The following DNAH17 variants were observed in gnomAD, a reference collection of about 807,000 sequenced individuals.
DNAH17 encodes dynein axonemal heavy chain 17.
Under a neutral mutation model 485.6 loss-of-function variants are expected in DNAH17, and 376 were observed. The observed-to-expected ratio is 0.77, with a 90% confidence interval of 0.71 to 0.84. The LOEUF is 0.84. Ranked by LOEUF, DNAH17 falls within the 40% of genes least tolerant of loss-of-function variation. DNAH17 has a pLI of 0.00. For missense variants in DNAH17, 6,370 were observed against 5,839.3 expected (o/e 1.09, Z -2.96); for synonymous variants, 3,031 against 2,405.9 (o/e 1.26, Z -7.60).
In DNAH17 at chr17:78,486,360, A is replaced by G; in HGVS notation, c.6965T>C (p.Ile2322Thr). The change falls in exon 45 of 81, where the codon ATC (isoleucine) becomes ACC (threonine). Residue 2322 changes from isoleucine to threonine, a missense_variant. Coordinates refer to ENST00000389840, the MANE Select transcript of DNAH17 (RefSeq NM_173628.4). ...CTCCAGCAGGTACAGAATCGTTTGG[A>G]TCACCGTGATCTCCGGCACTGGCGT... Reference protein sequence around the residue: ...KITPVPEITVIQTILYLLECL... With the variant: ...KITPVPEITVTQTILYLLECL... The G allele has an allele frequency of 2.5e-6, 4 of 1,613,822 alleles. No individual in the cohort carries two copies. The highest frequency in any genetic ancestry group is 3.4e-6 in the Non-Finnish European group (4 of 1,179,832).
intron 68 of DNAH17, chr17:78,449,791 C>G (rs2087468538): frequency 1.8e-6 from 1 of 549,306 alleles, no homozygotes; most frequent in African/African-American, 1.9e-5. Context: ...AGTGTTCAAG[C>G]GATTCTCCTG....
At chr17:78,425,085 G>T in intron 80 of DNAH17, 2 of 395,074 alleles carry the variant, frequency 5.1e-6, no homozygotes, top group Non-Finnish European at 9.2e-6. Flanking sequence ...CACAAGCTCT[G>T]CTGTTTTCAT....
chr17:78,510,310 C>A (rs1038935097), intron 27 of DNAH17, 74 bp downstream of exon 27: 2 of 1,583,926 alleles, frequency 1.3e-6, no homozygotes, highest in Admixed American at 1.7e-5. Context: ...CCCCTCTGGG[C>A]GCTCTCAGTG....
chr17:78,531,201 G>A (rs1222060054), intron 20 of DNAH17, among the ~76,000 whole-genome samples: 2 of 152,092 alleles, frequency 1.3e-5, no homozygotes, highest in Non-Finnish European at 2.9e-5. Flanking sequence ...ACCACTGTTT[G>A]CTTTATATAT....
chr17:78,514,279 G>C (rs1407632726), intron 26 of DNAH17, among the ~76,000 whole-genome samples: 1 of 152,096 alleles, frequency 6.6e-6, no homozygotes, highest in Non-Finnish European at 1.5e-5. Context: ...GGCTGAGGCA[G>C]GCGGATCATG....
rs780063571 is a variant in DNAH17 at position 78,491,499 on chromosome 17, C to T, written c.6613G>A (p.Gly2205Arg). The T allele has an allele frequency of 1.7e-5, 28 of 1,613,542 alleles. No individual in the cohort carries two copies. Among genetic ancestry groups the T allele is most frequent in the Non-Finnish European group, 2.2e-5 (26 of 1,179,870 alleles). Residue 2205 changes from glycine to arginine, a missense_variant, in exon 43 of 81, where the codon GGA (glycine) becomes AGA (arginine). Coordinates refer to ENST00000389840, the MANE Select transcript of DNAH17 (RefSeq NM_173628.4). ...HDGPKWIILD[G>R]DIDPMWIESL... Reference sequence around the variant, plus strand: ...TCGATCCACATGGGGTCTATGTCTCCGTCAAGGATGATCCACTTGGGGCCG... The same window carrying T: ...TCGATCCACATGGGGTCTATGTCTCTGTCAAGGATGATCCACTTGGGGCCG...
Position 78,429,204 on chromosome 17 carries a change from C to T in DNAH17, c.12322G>A (p.Ala4108Thr), listed in dbSNP as rs1169473800. The T allele has an allele frequency of 6.2e-7, 1 of 1,613,848 alleles. No individual in the cohort carries two copies. The highest frequency in any genetic ancestry group is 1.3e-5 in the African/African-American group (1 of 75,044). Residue 4108 changes from alanine to threonine, a missense_variant, in exon 76 of 81, where the codon GCT (alanine) becomes ACT (threonine). By Grantham distance (58) the Ala-to-Thr change is moderately conservative. Transcript: ENST00000389840. Reference protein sequence around the residue: ...WDRRLCRTYLAEYIRTEMLEG... With the variant: ...WDRRLCRTYLTEYIRTEMLEG... ...AGCATCTCCGTCCGGATGTATTCAG[C>T]CAGGTAGGTCCTGCACAGCCGACGG...
chr17:78,472,264 T>G (rs924097911), intron 54 of DNAH17, among the ~76,000 whole-genome samples: 4 of 146,246 alleles, frequency 2.7e-5, no homozygotes, highest in Non-Finnish European at 4.5e-5. Context: ...GGGTTAGGGT[T>G]AGGGAGTAGG....
In DNAH17 at chr17:78,468,643, T is replaced by C. The variant is rs1394255943; in HGVS notation, c.8752A>G (p.Ile2918Val). Residue 2918 changes from isoleucine (I) to valine (V), a missense_variant, in exon 55 of 81, where the codon ATC becomes GTC. By Grantham distance (29) the Ile-to-Val change is conservative. Transcript: ENST00000389840. Reference sequence around the variant, plus strand: ...TTGAGCTGTCTGCGCACTTTTTCGATGAAGAACTTCCAACATGTTTCCCGA... The same window carrying C: ...TTGAGCTGTCTGCGCACTTTTTCGACGAAGAACTTCCAACATGTTTCCCGA... ...DTRETCWKFFIEKVRRQLKVI... is the reference protein window; with the variant it reads ...DTRETCWKFFVEKVRRQLKVI... 6.2e-7 allele frequency: 1 copy of C among 1,613,826 alleles called. No homozygotes were observed. Among genetic ancestry groups the C allele is most frequent in the South Asian group, 1.1e-5 (1 of 91,036 alleles).
chr17:78,526,040 C>A (rs1433645289), intron 24 of DNAH17, among the ~76,000 whole-genome samples: 1 of 152,230 alleles, frequency 6.6e-6, no homozygotes, highest in Non-Finnish European at 1.5e-5. Flanking sequence ...GACAAGGGCC[C>A]CACTGGGCCC....
intron 69 of DNAH17, among the ~76,000 whole-genome samples, chr17:78,446,098 T>C (rs1387251594): frequency 7.8e-6 from 1 of 128,026 alleles, no homozygotes; most frequent in Admixed American, 1.1e-4. Flanking sequence ...CACTTGAACC[T>C]GGGAGGCAGA....
At chr17:78,450,132 G>T in intron 68 of DNAH17, 122 bp downstream of exon 68, 1 of 1,207,460 alleles carries the variant, frequency 8.3e-7, no homozygotes, top group Non-Finnish European at 1.2e-6. Flanking sequence ...GGCTGGACCA[G>T]GTCTGCCCTC....
Position 78,526,755 on chromosome 17 carries a change from A to G in DNAH17, c.3625-18T>C, listed in dbSNP as rs74965213. The G allele has an allele frequency of 0.16, 250,675 of 1,596,256 alleles. 21,111 individuals carry two copies. Among genetic ancestry groups the G allele is most frequent in the Middle Eastern group, 0.2 (1,189 of 5,804 alleles). ...TGCTTGAGCTGCGAGAGAAGAGTGC[A>G]AAGTACAGAGAGTCACGGGGCGGCC... is the stretch of plus-strand genomic sequence containing the variant. On this transcript the variant is annotated intron_variant, in intron 23 of 80. Transcript: ENST00000389840.
chr17:78,445,222 G>A (rs2087232258), intron 70 of DNAH17, among the ~76,000 whole-genome samples: 1 of 150,548 alleles, frequency 6.6e-6, no homozygotes, highest in African/African-American at 2.4e-5. Context: ...AGGCTGGGGG[G>A]AGGAGGGGAG....
In DNAH17 at chr17:78,445,673, G is replaced by T. The variant is rs1220307613; in HGVS notation, c.11219C>A (p.Ser3740Tyr). 8.2e-6 allele frequency: 13 copies of T among 1,588,488 alleles called. No homozygotes were observed. Among genetic ancestry groups the T allele is most frequent in the Admixed American group, 5.4e-5 (3 of 56,004 alleles). ...FLAQVTFQVL[S>Y]MKKELNPVEL... ...CACTGGGTTCAGCTCCTTCTTCATG[G>T]ACAGGACCTGGGGGAACATCGAGGT... is the stretch of plus-strand genomic sequence containing the variant. Residue 3740 changes from serine to tyrosine, a missense_variant, in exon 70 of 81, where the codon TCC becomes TAC. Physicochemically the swap from Ser to Tyr is moderately radical, Grantham distance 144. Transcript: ENST00000389840.
intron 27 of DNAH17, among the ~76,000 whole-genome samples, chr17:78,508,911 C>T (rs1278011274): frequency 6.6e-6 from 1 of 151,890 alleles, no homozygotes; most frequent in East Asian, 1.9e-4. Context: ...AATTCATCCT[C>T]CCACTTCAGC....
chr17:78,537,630 C>T (rs2091413807), intron 18 of DNAH17, 149 bp from the exon 19 acceptor site: 2 of 987,812 alleles, frequency 2.0e-6, no homozygotes, highest in Admixed American at 2.3e-5. Flanking sequence ...TCAGCGCACC[C>T]CGCTCCTTGA....
intron 29 of DNAH17, 60 bp downstream of exon 29, chr17:78,507,218 C>A (rs2090509184): frequency 1.3e-6 from 2 of 1,591,630 alleles, no homozygotes; most frequent in Non-Finnish European, 1.7e-6. Flanking sequence ...TTCCGTCAGA[C>A]TTAAGACTTA....
intron 16 of DNAH17, among the ~76,000 whole-genome samples, chr17:78,545,229 C>T (rs1050611233): frequency 6.6e-6 from 1 of 152,130 alleles, no homozygotes; most frequent in African/African-American, 2.4e-5. Context: ...TGAACATAAA[C>T]GATATGATTA....
Sources: allele counts gnomAD v4.1 joint callset (sites outside exome capture counted in the v4.1 genomes callset), GRCh38; gene constraint gnomAD v4.1.1; transcripts MANE v1.5; gene names NCBI Gene and HGNC (gene_info 2026-07-23, HGNC 2026-07-21).